LIMS1: variants seen among roughly 807,000 people sequenced by gnomAD.
The protein encoded by LIMS1 is LIM and senescent cell antigen-like-containing domain protein 1.
Under a neutral mutation model 44.1 loss-of-function variants are expected in LIMS1, and 18 were observed. The observed-to-expected ratio is 0.41, with a 90% confidence interval of 0.28 to 0.61. The LOEUF (loss-of-function observed/expected upper bound fraction) is 0.61. LIMS1 is among the 20% of genes least tolerant of loss of function. The probability of loss-of-function intolerance (pLI) is 0.32; values close to 1 mark genes in which losing one functional copy is unlikely to be tolerated. For synonymous variants in LIMS1, 93 were observed against 149.1 expected (o/e 0.62, Z 2.74); for missense variants, 201 against 422.0 (o/e 0.48, Z 4.59).
At chr2:108,666,764 G>GA in intron 2 of LIMS1, among the ~76,000 whole-genome samples, 1 of 145,516 alleles carries the variant, frequency 6.9e-6, no homozygotes, top group South Asian at 2.2e-4. Flanking sequence ...ACTCCAGCCT[G>GA]AAAAAACAGG....
rs565473675 is a variant in LIMS1 at position 108,561,678 on chromosome 2, A to C, written c.32+27084A>C. The stretch of plus-strand genomic sequence containing the variant: ...TGTGTGTCACACTTTGGTAATTCTC[A>C]CAATATTTCAAACTTCTTTGTTATG... On this transcript the variant is annotated intron_variant, in intron 1 of 9. Transcript: ENST00000544547. Among the ~76,000 whole-genome samples the C allele has an allele frequency of 7.3e-5, 11 of 151,232 alleles. No homozygotes were observed. The East Asian group carries it at 1.2e-3, about 16-fold the overall frequency.
At chr2:108,685,502 G>A (rs1041743709) in exon 10 of LIMS1, 5 of 152,084 alleles carry the variant, frequency 3.3e-5, no homozygotes, top group African/African-American at 9.7e-5. Flanking sequence ...TTACCACTCT[G>A]CCATTAAATA....
At chr2:108,533,766 A>C (rs907461939), upstream of LIMS1, 1 of 152,492 alleles carries the variant, frequency 6.6e-6, no homozygotes, top group African/African-American at 2.4e-5. Context: ...GCTAGCAAGG[A>C]AGAACAGGAT....
intron 1 of LIMS1, among the ~76,000 whole-genome samples, chr2:108,581,242 T>C (rs1685872632): frequency 6.6e-6 from 1 of 152,196 alleles, no homozygotes; most frequent in African/African-American, 2.4e-5. Flanking sequence ...TAGAGTCATT[T>C]TGATAAATGT....
chr2:108,557,369 G>A lies in LIMS1; in HGVS notation c.32+22775G>A, dbSNP rs561678927. ...TGAGATTACAAGTGTGAGCCAACAC[G>A]CCCAGCCTTTTTTTCTTAAGACTAT... On this transcript the variant is annotated intron_variant, in intron 1 of 9. Coordinates refer to ENST00000544547, the Ensembl canonical transcript of LIMS1. Among the ~76,000 whole-genome samples the A allele has an allele frequency of 6.6e-5, 10 of 152,084 alleles. No individual in the cohort carries two copies. In the South Asian group the frequency reaches 2.1e-3, roughly 32 times the overall value.
chr2:108,562,715 AG>A (rs932034824), intron 1 of LIMS1, among the ~76,000 whole-genome samples: 7 of 152,232 alleles, frequency 4.6e-5, no homozygotes. Flanking sequence ...CTGATGTAGA[AG>A]GTGCACCAAG....
chr2:108,676,668 C>A (rs763378218), exon 7 of LIMS1: 21 of 1,387,100 alleles, frequency 1.5e-5, no homozygotes, highest in Non-Finnish European at 2.0e-5. Context: ...AGAGGAAAGG[C>A]CTGGCATATT....
At chr2:108,610,462 T>C (rs1047819167) in intron 1 of LIMS1, among the ~76,000 whole-genome samples, 1 of 152,186 alleles carries the variant, frequency 6.6e-6, no homozygotes, top group African/African-American at 2.4e-5. Context: ...CTTTCTTAAT[T>C]ATTTAAAAGC....
chr2:108,541,798 T>A (rs1684325978), intron 1 of LIMS1, among the ~76,000 whole-genome samples: 1 of 152,204 alleles, frequency 6.6e-6, no homozygotes, highest in Non-Finnish European at 1.5e-5. Flanking sequence ...TTGCCGCTTC[T>A]CTCATAAAAT....
At chr2:108,674,719 CAAAAAAA>C (rs59992301) in intron 5 of LIMS1, among the ~76,000 whole-genome samples, 39 of 43,770 alleles carry the variant, frequency 8.9e-4, no homozygotes, top group South Asian at 3.0e-3. Context: ...AGACTCGTCT[CAAAAAAA>C]AAAAAAAAAA....
At chr2:108,573,667 T>C (rs1318072330) in intron 1 of LIMS1, among the ~76,000 whole-genome samples, 1 of 152,198 alleles carries the variant, frequency 6.6e-6, no homozygotes, top group Non-Finnish European at 1.5e-5. Flanking sequence ...ACTCTCTGTC[T>C]TCATGGTGCT....
chr2:108,646,967 C>A (rs1016262153), intron 1 of LIMS1, among the ~76,000 whole-genome samples: 1 of 152,110 alleles, frequency 6.6e-6, no homozygotes, highest in African/African-American at 2.4e-5. Flanking sequence ...GTGATCCGCC[C>A]GCCTCGGCCT....
At chr2:108,618,453 C>T (rs1036566969) in intron 1 of LIMS1, among the ~76,000 whole-genome samples, 1 of 152,174 alleles carries the variant, frequency 6.6e-6, no homozygotes, top group African/African-American at 2.4e-5. Flanking sequence ...ACCCCCTTCC[C>T]TGTGCTGATG....
chr2:108,551,069 G>A (rs749280665), intron 1 of LIMS1, among the ~76,000 whole-genome samples: 4 of 151,984 alleles, frequency 2.6e-5, no homozygotes, highest in Non-Finnish European at 4.4e-5. Context: ...GTTGGGTGCA[G>A]TGAGCTGTGA....
intron 1 of LIMS1, among the ~76,000 whole-genome samples, chr2:108,646,374 A>G (rs764684993): frequency 3.3e-5 from 5 of 152,218 alleles, no homozygotes; most frequent in Non-Finnish European, 7.3e-5. Flanking sequence ...CTGCTCCTGA[A>G]TGACTACTGG....
chr2:108,572,002 T>C (rs1376460822), intron 1 of LIMS1, among the ~76,000 whole-genome samples: 3 of 152,230 alleles, frequency 2.0e-5, no homozygotes, highest in Non-Finnish European at 1.5e-5. Flanking sequence ...TTGGAAAATA[T>C]GCATTTAGTG....
At chr2:108,595,028 A>G (rs1459817535) in intron 1 of LIMS1, among the ~76,000 whole-genome samples, 2 of 152,220 alleles carry the variant, frequency 1.3e-5, no homozygotes, top group Non-Finnish European at 2.9e-5. Context: ...AAGGTACCAT[A>G]CATAAAAGCA....
chr2:108,661,983 T>C (rs1484677151), intron 2 of LIMS1, among the ~76,000 whole-genome samples: 18 of 152,300 alleles, frequency 1.2e-4, no homozygotes, highest in Non-Finnish European at 1.9e-4. Context: ...TCCTAGTATC[T>C]AATACAATAT....
chr2:108,551,596 CTATATATATATGTATATATATG>C (rs1558783813), intron 1 of LIMS1, among the ~76,000 whole-genome samples: 1 of 133,856 alleles, frequency 7.5e-6, no homozygotes, highest in Non-Finnish European at 1.6e-5. Flanking sequence ...GGCATGGTTC[CTATATATATATGTATATATATG>C]TATATATGTG....
Sources: gnomAD v4.1 joint callset for allele counts (sites outside exome capture counted in the v4.1 genomes callset) on GRCh38, gnomAD v4.1.1 for gene constraint, MANE v1.5 for transcripts, NCBI Gene and HGNC (gene_info 2026-07-23, HGNC 2026-07-21) for gene names.